Variants in SETD3 observed in about 807,000 individuals in gnomAD.
SETD3 encodes actin-histidine N-methyltransferase.
SETD3 carries 19 observed loss-of-function variants against 63.0 expected under a neutral mutation model. The ratio of observed to expected loss-of-function variants is 0.30; its 90% CI spans 0.21 to 0.44. SETD3 has a LOEUF of 0.44. SETD3 is among the 20% of genes least tolerant of loss of function. The pLI, the probability that SETD3 is intolerant of heterozygous loss-of-function variation, is 1.00. For missense variants in SETD3, 587 were observed against 728.5 expected, an observed-to-expected ratio of 0.81 and a Z score of 2.24; for synonymous variants, 286 against 264.1, an observed-to-expected ratio of 1.08 and a Z score of -0.80.
intron 1 of SETD3, among the ~76,000 whole-genome samples, chr14:99,466,666 A>C (rs1895401507): frequency 6.7e-6 from 1 of 150,118 alleles, no homozygotes; most frequent in Non-Finnish European, 1.5e-5. Flanking sequence ...TAGAAGCGTG[A>C]GGGAAGCACA....
At chr14:99,458,787 A>G (rs1308189965) in intron 5 of SETD3, among the ~76,000 whole-genome samples, 1 of 151,280 alleles carries the variant, frequency 6.6e-6, no homozygotes, top group Non-Finnish European at 1.5e-5. Context: ...AAAAAAAAAA[A>G]AAAAAAAAAT....
Position 99,443,255 on chromosome 14 carries a change from A to ATTT in SETD3, c.675+15021_675+15023dup, listed in dbSNP as rs996583091. Among the ~76,000 whole-genome samples, 234 of 108,752 alleles carry ATTT rather than the reference A, an allele frequency of 2.2e-3. 2 individuals are homozygous for ATTT. Among genetic ancestry groups the ATTT allele is most frequent in the African/African-American group, 5.1e-3 (132 of 25,638 alleles). 71.3% of individuals were successfully genotyped at this position (108,752 alleles called of 152,430 possible). ...AGCAATCTTCCTTCTCTGAACTCCCATTTTTTTTTTTTTTTTTTTTTTTGA... is the reference window on the plus strand; with the variant it reads ...AGCAATCTTCCTTCTCTGAACTCCCATTTTTTTTTTTTTTTTTTTTTTTTTTGA... On this transcript the variant is annotated intron_variant, in intron 6 of 12. Transcript: ENST00000331768.
At chr14:99,440,284 T>A (rs1442587798) in intron 6 of SETD3, among the ~76,000 whole-genome samples, 1 of 152,200 alleles carries the variant, frequency 6.6e-6, no homozygotes, top group Non-Finnish European at 1.5e-5. Context: ...TAAAGTTGAT[T>A]TGCAAAATGA....
intron 1 of SETD3, among the ~76,000 whole-genome samples, chr14:99,479,668 A>C (rs541839427): frequency 6.6e-6 from 1 of 152,344 alleles, no homozygotes; most frequent in East Asian, 1.9e-4. Context: ...AGTTCTGACA[A>C]ACGCATTTAT....
At chr14:99,416,951 C>T (rs1480833262) in intron 6 of SETD3, among the ~76,000 whole-genome samples, 2 of 152,042 alleles carry the variant, frequency 1.3e-5, no homozygotes, top group South Asian at 4.2e-4. Context: ...AATATTGTAC[C>T]GAGTACAAAA....
chr14:99,458,905 C>G (rs1017883910), intron 5 of SETD3, among the ~76,000 whole-genome samples: 5 of 151,550 alleles, frequency 3.3e-5, no homozygotes, highest in Non-Finnish European at 5.9e-5. Context: ...GGTGACAAAG[C>G]GAGACCCTAT....
At chr14:99,442,966 C>T (rs1474905610) in intron 6 of SETD3, among the ~76,000 whole-genome samples, 3 of 152,168 alleles carry the variant, frequency 2.0e-5, no homozygotes, top group Non-Finnish European at 2.9e-5. Context: ...CACTCTGACG[C>T]GGACGGGACG....
chr14:99,474,208 C>T (rs1895850951), intron 1 of SETD3, among the ~76,000 whole-genome samples: 1 of 152,142 alleles, frequency 6.6e-6, no homozygotes, highest in South Asian at 2.1e-4. Context: ...GCCTGTAATC[C>T]CAGCTACTTA....
At chr14:99,476,161 G>A (rs1177511279) in intron 1 of SETD3, among the ~76,000 whole-genome samples, 5 of 152,168 alleles carry the variant, frequency 3.3e-5, no homozygotes, top group African/African-American at 4.8e-5. Context: ...TGACGCTTAC[G>A]GAGACTGATT....
In SETD3 at chr14:99,458,472, A is replaced by C; in HGVS notation, c.482T>G (p.Leu161Trp). 1 of 1,614,214 alleles carries C rather than the reference A, an allele frequency of 6.2e-7. No homozygotes were observed. Among genetic ancestry groups the C allele is most frequent in the East Asian group, 2.2e-5 (1 of 44,892 alleles). ...GTTAGGGCTGGCTCGCTCACACAGC[A>C]AATGAAAGGCCAGTGCGATGTTTCC... Reference protein sequence around the residue: ...AMGNIALAFHLLCERASPNSF... With the variant: ...AMGNIALAFHWLCERASPNSF... The change falls in exon 6 of 13, where the codon TTG becomes TGG. Residue 161 changes from leucine to tryptophan, a missense_variant. By Grantham distance (61) the Leu-to-Trp change is moderately conservative. Coordinates refer to ENST00000331768, the MANE Select transcript of SETD3 (RefSeq NM_032233.3).
intron 6 of SETD3, among the ~76,000 whole-genome samples, chr14:99,428,890 T>C (rs556527809): frequency 2.6e-5 from 4 of 152,244 alleles, no homozygotes; most frequent in African/African-American, 9.6e-5. Context: ...ACACCCTAAC[T>C]GCAGCTTTGA....
At chr14:99,454,219 T>C (rs187064094) in intron 6 of SETD3, among the ~76,000 whole-genome samples, 283 of 152,296 alleles carry the variant, frequency 1.9e-3, no homozygotes, top group African/African-American at 6.4e-3. Flanking sequence ...AGATGGGATC[T>C]TGCTCTGTTG....
intron 6 of SETD3, among the ~76,000 whole-genome samples, chr14:99,430,913 AGCTCT>A (rs1893138376): frequency 6.6e-6 from 1 of 152,242 alleles, no homozygotes; most frequent in Admixed American, 6.5e-5. Context: ...CACTCAAATC[AGCTCT>A]AATCTAACAG....
At chr14:99,439,244 C>T (rs1406633006) in intron 6 of SETD3, among the ~76,000 whole-genome samples, 1 of 152,218 alleles carries the variant, frequency 6.6e-6, no homozygotes, top group Non-Finnish European at 1.5e-5. Flanking sequence ...AAAGGCTGCT[C>T]TTCTCAAGTT....
chr14:99,453,004 G>A (rs1390925789), intron 6 of SETD3, among the ~76,000 whole-genome samples: 1 of 152,204 alleles, frequency 6.6e-6, no homozygotes, highest in Non-Finnish European at 1.5e-5. Flanking sequence ...ATTTCTCTAG[G>A]GAGAGGGTCC....
intron 11 of SETD3, among the ~76,000 whole-genome samples, chr14:99,403,066 G>C (rs1301507105): frequency 6.6e-6 from 1 of 152,130 alleles, no homozygotes; most frequent in Non-Finnish European, 1.5e-5. Flanking sequence ...TTGAATAACC[G>C]TAAATCTAGC....
intron 6 of SETD3, 134 bp from the exon 7 acceptor site, chr14:99,414,068 G>A (rs1016386382): frequency 1.6e-5 from 12 of 752,722 alleles, no homozygotes; most frequent in Admixed American, 6.6e-5. Context: ...GCGTCCAGCC[G>A]CGCTACAGAG....
chr14:99,426,119 C>T (rs555669219), intron 6 of SETD3, among the ~76,000 whole-genome samples: 2 of 152,144 alleles, frequency 1.3e-5, no homozygotes, highest in South Asian at 2.1e-4. Flanking sequence ...TGGAATAATC[C>T]GCCCCCCCAT....
intron 6 of SETD3, among the ~76,000 whole-genome samples, chr14:99,419,753 C>A: frequency 6.8e-6 from 1 of 146,048 alleles, no homozygotes; most frequent in Admixed American, 6.9e-5. Flanking sequence ...CCAGCCTGGG[C>A]GACAGAGCGA....
Sources: allele counts gnomAD v4.1 joint callset (sites outside exome capture counted in the v4.1 genomes callset), GRCh38; gene constraint gnomAD v4.1.1; transcripts MANE v1.5; gene names NCBI Gene and HGNC (gene_info 2026-07-23, HGNC 2026-07-21).